DYNC2H1: variants seen among roughly 807,000 people sequenced by gnomAD.
The protein encoded by DYNC2H1 is dynein cytoplasmic 2 heavy chain 1.
Under a neutral mutation model 570.0 loss-of-function variants are expected in DYNC2H1, and 410 were observed. The observed-to-expected ratio is 0.72, with a 90% CI of 0.66 to 0.78. DYNC2H1 has a LOEUF of 0.78. Ranked by LOEUF, DYNC2H1 falls within the 30% of genes least tolerant of loss-of-function variation. The pLI is 0.00. For missense variants in DYNC2H1, 4,865 were observed against 5,046.4 expected, an observed-to-expected ratio of 0.96 and a Z score of 1.09; for synonymous variants, 1,688 against 1,677.6, an observed-to-expected ratio of 1.01 and a Z score of -0.15.
intron 84 of DYNC2H1, among the ~76,000 whole-genome samples, chr11:103,401,567 C>T (rs1235729493): frequency 2.0e-5 from 3 of 152,110 alleles, no homozygotes; most frequent in Non-Finnish European, 4.4e-5. Context: ...AATGTGACCG[C>T]TGGAATATGT....
At chr11:103,122,621 G>C (rs1371653347) in intron 10 of DYNC2H1, among the ~76,000 whole-genome samples, 1 of 152,174 alleles carries the variant, frequency 6.6e-6, no homozygotes, top group Non-Finnish European at 1.5e-5. Context: ...TTATCCTCTT[G>C]CGTTTGCTCT....
intron 70 of DYNC2H1, among the ~76,000 whole-genome samples, chr11:103,265,151 A>G (rs1865458609): frequency 6.6e-6 from 1 of 152,194 alleles, no homozygotes; most frequent in Non-Finnish European, 1.5e-5. Flanking sequence ...CGTAGGTAGG[A>G]GTTGAACAAT....
In DYNC2H1 at chr11:103,369,541, T is replaced by A. The variant is rs1286873258; in HGVS notation, c.12156+11182T>A. On this transcript the variant is annotated intron_variant, in intron 83 of 88. Coordinates refer to ENST00000375735, the MANE Select transcript of DYNC2H1 (RefSeq NM_001377.3). The surrounding 1 kb of genome is among the most constrained non-coding windows in gnomAD (Gnocchi z 4.0). ...AACCTCAGGATACACAGCTCACATC[T>A]CCAAAACAGACTCTTTCCTTCTGTT... Among the ~76,000 whole-genome samples, 1 of 152,010 alleles carries A rather than the reference T, an allele frequency of 6.6e-6. No homozygotes were observed. Among genetic ancestry groups the A allele is most frequent in the East Asian group, 1.9e-4 (1 of 5,174 alleles).
intron 70 of DYNC2H1, among the ~76,000 whole-genome samples, chr11:103,270,383 C>T (rs1865658292): frequency 6.6e-6 from 1 of 151,588 alleles, no homozygotes; most frequent in Admixed American, 6.6e-5. Flanking sequence ...TGGTATTATC[C>T]TATACATATC....
chr11:103,119,253 T>C (rs1280321141), intron 6 of DYNC2H1, among the ~76,000 whole-genome samples: 1 of 152,176 alleles, frequency 6.6e-6, no homozygotes, highest in African/African-American at 2.4e-5. Flanking sequence ...GTTATTATTA[T>C]TATTATACTC....
intron 60 of DYNC2H1, 56 bp downstream of exon 60, chr11:103,231,402 A>AT (rs1479041213): frequency 1.2e-5 from 14 of 1,152,254 alleles, no homozygotes; most frequent in Non-Finnish European, 1.7e-5. Context: ...TACATTTGAC[A>AT]TCTTGATTTC....
intron 54 of DYNC2H1, 88 bp from the exon 55 acceptor site, chr11:103,215,633 T>C (rs933535536): frequency 5.3e-5 from 70 of 1,315,056 alleles, no homozygotes; most frequent in Non-Finnish European, 6.7e-5. Context: ...TTAACATGTT[T>C]GCTTGATTCT....
chr11:103,420,658 T>G (rs1943455281), intron 84 of DYNC2H1, among the ~76,000 whole-genome samples: 2 of 152,148 alleles, frequency 1.3e-5, no homozygotes, highest in Admixed American at 1.3e-4. Context: ...AATAAGATCC[T>G]TTTCAGACAA....
At position 103,171,038 on chromosome 11, in the gene DYNC2H1, T is replaced by C. The variant is rs727503906; in HGVS notation, c.5304T>C (p.His1768=). 3 of 1,610,724 alleles carry C rather than the reference T, an allele frequency of 1.9e-6. No individual in the cohort carries two copies. The highest frequency in any genetic ancestry group is 2.5e-6 in the Non-Finnish European group (3 of 1,177,798). The change falls in exon 34 of 89, where the codon CAT becomes CAC. Residue 1768 remains histidine, a synonymous_variant. Transcript: ENST00000375735. The part of the protein sequence containing the change: ...IQTIQDALKN[H]RTVCELLGKE... Reference sequence around the variant, plus strand: ...CAATTCAAGATGCTTTGAAGAATCATAGAACTGTATGTGAACTGCTTGGCA... The same window carrying C: ...CAATTCAAGATGCTTTGAAGAATCACAGAACTGTATGTGAACTGCTTGGCA...
chr11:103,192,368 G>T, intron 47 of DYNC2H1, 104 bp downstream of exon 47: 1 of 831,952 alleles, frequency 1.2e-6, no homozygotes, highest in South Asian at 5.3e-5. Context: ...TAAAAACTTT[G>T]AATAATTTTA....
chr11:103,231,129 A>G, intron 59 of DYNC2H1, 131 bp from the exon 60 acceptor site: 2 of 471,042 alleles, frequency 4.2e-6, no homozygotes, highest in Non-Finnish European at 7.5e-6. Context: ...ATTAAATTCT[A>G]AGTAAAGGTG....
At chr11:103,293,842 C>T (rs552762320) in intron 75 of DYNC2H1, among the ~76,000 whole-genome samples, 2 of 151,974 alleles carry the variant, frequency 1.3e-5, no homozygotes, top group Non-Finnish European at 2.9e-5. Context: ...TTTGGGAGGC[C>T]GAGTTGGGCG....
chr11:103,115,105 C>A, intron 3 of DYNC2H1, 72 bp from the exon 4 acceptor site: 1 of 1,103,658 alleles, frequency 9.1e-7, no homozygotes, highest in Non-Finnish European at 1.3e-6. Context: ...TATTTTGCTG[C>A]TCTGCTGTTT....
chr11:103,115,833 G>A (rs925030255), intron 4 of DYNC2H1, among the ~76,000 whole-genome samples: 2 of 152,010 alleles, frequency 1.3e-5, no homozygotes, highest in Non-Finnish European at 2.9e-5. Flanking sequence ...CTTTTCTGCA[G>A]GTATATAGTG....
rs761201844 is a variant in DYNC2H1, at chr11:103,120,627, T to C, written c.1134+46T>C. The stretch of plus-strand genomic sequence containing the variant: ...TGTCTGTACAGTTTCCTGTTTATGT[T>C]GTTCTTTTTAAAGACAGATTTAAAA... On this transcript the variant is annotated intron_variant, in intron 7 of 88. Transcript: ENST00000375735. The C allele has an allele frequency of 1.9e-6, 3 of 1,595,440 alleles. No individual in the cohort carries two copies. The East Asian group carries it at 6.7e-5, about 36-fold the overall frequency.
intron 83 of DYNC2H1, among the ~76,000 whole-genome samples, chr11:103,394,554 G>A (rs986236786): frequency 3.3e-5 from 5 of 151,742 alleles, no homozygotes; most frequent in Admixed American, 2.6e-4. Flanking sequence ...GGGTAGGGAA[G>A]GGAATAAAAA....
rs1221513228 is a variant in DYNC2H1, at chr11:103,436,081, G to T, written c.12456+49G>T. On this transcript the variant is annotated intron_variant, in intron 85 of 88. Coordinates refer to ENST00000375735, the MANE Select transcript of DYNC2H1 (RefSeq NM_001377.3). ...TGGGTTGTCTGACTGTGTGACTATTGTATTATAGAGATAACCATTGTGCTA... is the reference window on the plus strand; with the variant it reads ...TGGGTTGTCTGACTGTGTGACTATTTTATTATAGAGATAACCATTGTGCTA... 6 of 1,515,104 alleles carry T rather than the reference G, an allele frequency of 4.0e-6. No individual in the cohort carries two copies. In the African/African-American group the frequency reaches 8.2e-5, roughly 21 times the overall value. 93.9% of individuals were successfully genotyped at this position (1,515,104 alleles called of 1,614,324 possible). A position where few individuals can be genotyped will look rare whatever the true frequency, so the allele number is the denominator to read the frequency against.
At chr11:103,403,751 C>G (rs911149912) in intron 84 of DYNC2H1, 5 of 151,966 alleles carry the variant, frequency 3.3e-5, no homozygotes, top group African/African-American at 1.2e-4. Flanking sequence ...GAGAACTGTT[C>G]AGTTATCAAC....
chr11:103,198,106 T>G (rs775448686), intron 48 of DYNC2H1, 43 bp downstream of exon 48: 1 of 1,526,606 alleles, frequency 6.6e-7, no homozygotes. Context: ...TTGGTCATTA[T>G]AGTCTTTTAA....
Sources: gnomAD v4.1 joint callset for allele counts (sites outside exome capture counted in the v4.1 genomes callset) on GRCh38, gnomAD v4.1.1 for gene constraint, Gnocchi (gnomAD v3.1) non-coding constraint, MANE v1.5 for transcripts, NCBI Gene and HGNC (gene_info 2026-07-23, HGNC 2026-07-21) for gene names.